TMEFF2: variants seen among roughly 807,000 people sequenced by gnomAD.
The protein encoded by TMEFF2 is transmembrane protein with EGF like and two follistatin like domains 2.
A neutral mutation model predicts 53.8 loss-of-function variants in TMEFF2; 28 were observed. That is an observed-to-expected ratio of 0.52 (90% CI 0.39 to 0.71). The LOEUF (loss-of-function observed/expected upper bound fraction) is 0.71. Ranked by LOEUF, TMEFF2 falls within the 30% of genes least tolerant of loss-of-function variation. TMEFF2 has a pLI of 0.00. For synonymous variants in TMEFF2, 162 were observed against 166.3 expected (o/e 0.97, Z 0.20); for missense variants, 353 against 455.2 (o/e 0.78, Z 2.04).
At chr2:192,009,532 C>G (rs940438466) in intron 5 of TMEFF2, among the ~76,000 whole-genome samples, 33 of 152,032 alleles carry the variant, frequency 2.2e-4, no homozygotes. Flanking sequence ...ATAATTAGAA[C>G]TGATACCAAA....
intron 2 of TMEFF2, among the ~76,000 whole-genome samples, chr2:192,186,522 T>A (rs1216612747): frequency 6.6e-6 from 1 of 152,058 alleles, no homozygotes; most frequent in African/African-American, 2.4e-5. Flanking sequence ...AACACTACAG[T>A]GGTGTCTGAG....
At chr2:192,159,275 G>T (rs140455986) in intron 4 of TMEFF2, among the ~76,000 whole-genome samples, 3 of 152,258 alleles carry the variant, frequency 2.0e-5, no homozygotes, top group African/African-American at 4.8e-5. Flanking sequence ...AGTGTTGAGG[G>T]GGGGATCAAG....
chr2:192,161,089 A>C (rs560421604), intron 4 of TMEFF2, among the ~76,000 whole-genome samples: 20 of 152,180 alleles, frequency 1.3e-4, no homozygotes. Context: ...TTCCCATGTC[A>C]TCTCCTATTC....
At chr2:192,016,456 C>A (rs1485227309) in intron 5 of TMEFF2, among the ~76,000 whole-genome samples, 4 of 152,158 alleles carry the variant, frequency 2.6e-5, no homozygotes, top group Non-Finnish European at 5.9e-5. Flanking sequence ...TCATTTTGAT[C>A]CCATGCCTCA....
intron 4 of TMEFF2, among the ~76,000 whole-genome samples, chr2:192,093,787 C>T (rs1282150010): frequency 6.7e-6 from 1 of 150,142 alleles, no homozygotes; most frequent in African/African-American, 2.4e-5. Context: ...ACGTTTAAAC[C>T]TGGAGAACTC....
At chr2:192,116,088 T>C (rs867868240) in intron 4 of TMEFF2, among the ~76,000 whole-genome samples, 1 of 151,886 alleles carries the variant, frequency 6.6e-6, no homozygotes. Context: ...AACTGAAGTG[T>C]CCATCAACAG....
intron 4 of TMEFF2, among the ~76,000 whole-genome samples, chr2:192,134,513 T>C (rs1289796850): frequency 6.6e-6 from 1 of 152,172 alleles, no homozygotes; most frequent in Non-Finnish European, 1.5e-5. Context: ...TGGAAATCTA[T>C]CCTCAAGGAA....
At chr2:191,977,037 C>A (rs1685745899) in intron 7 of TMEFF2, among the ~76,000 whole-genome samples, 1 of 152,174 alleles carries the variant, frequency 6.6e-6, no homozygotes, top group Non-Finnish European at 1.5e-5. Flanking sequence ...TTTGTTTAGC[C>A]AAGTTCCTGG....
chr2:191,989,790 C>A (rs934689062), intron 7 of TMEFF2, among the ~76,000 whole-genome samples: 1 of 152,104 alleles, frequency 6.6e-6, no homozygotes, highest in Non-Finnish European at 1.5e-5. Context: ...AAGCCCATTT[C>A]TCTGCCCCCC....
intron 5 of TMEFF2, among the ~76,000 whole-genome samples, chr2:192,055,070 G>A (rs1219456403): frequency 6.6e-6 from 1 of 152,020 alleles, no homozygotes; most frequent in Non-Finnish European, 1.5e-5. Context: ...AGAGACTCAT[G>A]TACATTTTTT....
chr2:192,192,056 ACTT>A, intron 1 of TMEFF2, 67 bp from the exon 2 acceptor site: 1 of 1,116,004 alleles, frequency 9.0e-7, no homozygotes, highest in South Asian at 1.4e-5. Context: ...AAAAAGCACT[ACTT>A]TGAAGCTTTA....
chr2:192,102,554 T>C (rs949613819), intron 4 of TMEFF2, among the ~76,000 whole-genome samples: 6 of 151,288 alleles, frequency 4.0e-5, no homozygotes, highest in African/African-American at 1.5e-4. Context: ...TCTCCATGGC[T>C]CCCTCTCTCC....
At chr2:191,958,335 A>G in intron 7 of TMEFF2, among the ~76,000 whole-genome samples, 1 of 152,214 alleles carries the variant, frequency 6.6e-6, no homozygotes, top group Non-Finnish European at 1.5e-5. Context: ...GAACACCTGC[A>G]TGCAGGGAAA....
intron 4 of TMEFF2, among the ~76,000 whole-genome samples, chr2:192,104,151 A>C (rs559606726): frequency 6.6e-6 from 1 of 152,138 alleles, no homozygotes; most frequent in South Asian, 2.1e-4. Flanking sequence ...GCTTAAGGTA[A>C]AAGGGGGTAG....
At chr2:192,053,656 A>G (rs1687827481) in intron 5 of TMEFF2, among the ~76,000 whole-genome samples, 1 of 152,232 alleles carries the variant, frequency 6.6e-6, no homozygotes, top group Admixed American at 6.5e-5. Context: ...CACTTATCAT[A>G]TGTAGTATTT....
At chr2:192,150,631 T>C (rs1316983526) in intron 4 of TMEFF2, among the ~76,000 whole-genome samples, 2 of 151,430 alleles carry the variant, frequency 1.3e-5, no homozygotes, top group South Asian at 2.1e-4. Context: ...AAGTGTCTCA[T>C]ACTTGAGGCA....
chr2:191,952,052 G>A (rs1035094992), intron 9 of TMEFF2, among the ~76,000 whole-genome samples: 1 of 152,178 alleles, frequency 6.6e-6, no homozygotes, highest in Non-Finnish European at 1.5e-5. Context: ...GGACACCATT[G>A]CTGCCCTTGT....
At chr2:192,052,330 T>C (rs972815307) in intron 5 of TMEFF2, among the ~76,000 whole-genome samples, 1 of 152,188 alleles carries the variant, frequency 6.6e-6, no homozygotes, top group Admixed American at 6.5e-5. Context: ...TGCTTTTGTA[T>C]GTATATGTAT....
intron 5 of TMEFF2, among the ~76,000 whole-genome samples, chr2:192,028,271 T>A (rs1186122652): frequency 6.6e-6 from 1 of 152,192 alleles, no homozygotes; most frequent in African/African-American, 2.4e-5. Flanking sequence ...CTCTTTCTTT[T>A]GTAAATTGCC....
Sources: gnomAD v4.1 joint callset for allele counts (sites outside exome capture counted in the v4.1 genomes callset) on GRCh38, gnomAD v4.1.1 for gene constraint, MANE v1.5 for transcripts, NCBI Gene and HGNC (gene_info 2026-07-23, HGNC 2026-07-21) for gene names.